Variants in IL21R observed in about 807,000 individuals in gnomAD.
IL21R encodes the protein interleukin 21 receptor.
A neutral mutation model predicts 41.3 loss-of-function variants in IL21R; 14 were observed. The observed-to-expected ratio is 0.34, with a 90% CI of 0.22 to 0.53. IL21R has a LOEUF of 0.53. Ranked by LOEUF, IL21R falls within the 20% of genes least tolerant of loss-of-function variation. IL21R has a pLI of 0.94. For missense variants in IL21R, 588 were observed against 681.6 expected (o/e 0.86, Z 1.53); for synonymous variants, 286 against 287.6 (o/e 0.99, Z 0.05).
Position 27,450,582 on chromosome 16 carries a change from C to CTTTTTTTTTTT in IL21R, c.*1303_*1313dup. The CTTTTTTTTTTT allele has an allele frequency of 5.5e-6, 1 of 181,510 alleles. No individual in the cohort carries two copies. The highest frequency in any genetic ancestry group is 1.1e-5 in the Non-Finnish European group (1 of 88,384). The allele number at this position is 181,510 out of a possible 1,614,324, so 11.2% of individuals were successfully genotyped here. A position where few individuals can be genotyped will look rare whatever the true frequency, so the allele number is the denominator to read the frequency against. On this transcript the variant is annotated 3_prime_UTR_variant, in exon 9 of 9. Transcript: ENST00000337929. ...TATTTCTTAGCAACATTTTCTTTTT[C>CTTTTTTTTTTT]TTTTTTTTTTTTTTCTTTTGAGACA...
intron 8 of IL21R, chr16:27,448,041 C>A (rs1274204243): frequency 6.4e-6 from 1 of 155,444 alleles, no homozygotes; most frequent in South Asian, 2.0e-4. Context: ...ACATTGTGGT[C>A]CTGATTCCTC....
intron 1 of IL21R, chr16:27,403,101 A>T (rs1489263767): frequency 1.7e-6 from 1 of 597,876 alleles, no homozygotes; most frequent in Non-Finnish European, 3.0e-6. Flanking sequence ...AGGCTGCGAG[A>T]GGTAGAGTGA....
intron 1 of IL21R, among the ~76,000 whole-genome samples, chr16:27,403,688 C>A (rs1176976259): frequency 6.6e-6 from 1 of 152,130 alleles, no homozygotes; most frequent in Non-Finnish European, 1.5e-5. Flanking sequence ...TCCTAATGGC[C>A]CTTTTCCTTT....
chr16:27,424,201 A>G (rs2087040640), intron 1 of IL21R, among the ~76,000 whole-genome samples: 1 of 151,848 alleles, frequency 6.6e-6, no homozygotes. Context: ...CAGCCTCCAG[A>G]GTAGCTGGGA....
At chr16:27,424,721 C>T (rs2087047898) in intron 1 of IL21R, among the ~76,000 whole-genome samples, 1 of 152,210 alleles carries the variant, frequency 6.6e-6, no homozygotes, top group South Asian at 2.1e-4. Context: ...CCGTAGGAGA[C>T]TGCAGAGGTT....
At chr16:27,403,492 C>T (rs1301780004) in intron 1 of IL21R, among the ~76,000 whole-genome samples, 2 of 152,096 alleles carry the variant, frequency 1.3e-5, no homozygotes, top group South Asian at 2.1e-4. Flanking sequence ...ATGGTGGAGT[C>T]GGGGAAAACC....
At position 27,451,055 on chromosome 16, in the gene IL21R, T is replaced by G. The variant is rs565200247; in HGVS notation, c.*1772T>G. 25 of 233,492 alleles carry G rather than the reference T, an allele frequency of 1.1e-4. No homozygotes were observed. Among genetic ancestry groups the G allele is most frequent in the Admixed American group, 3.9e-4 (7 of 17,786 alleles). The allele number at this position is 233,492 out of a possible 1,614,324, so 14.5% of individuals were successfully genotyped here. On this transcript the variant is annotated 3_prime_UTR_variant, in exon 9 of 9. Transcript: ENST00000337929. The stretch of plus-strand genomic sequence containing the variant: ...TAAGAGTGGGACTGTGAGCCTGGGA[T>G]CGGGGGGTGTGAGACTTGGATGGGA...
intron 1 of IL21R, among the ~76,000 whole-genome samples, chr16:27,426,185 C>T (rs546818800): frequency 8.5e-5 from 13 of 152,280 alleles, no homozygotes; most frequent in African/African-American, 2.6e-4. Context: ...TGCCCAAGGC[C>T]ACAAAGCCTA....
intron 3 of IL21R, 49 bp downstream of exon 3, chr16:27,434,498 T>C (rs1430718379): frequency 8.6e-7 from 1 of 1,168,120 alleles, no homozygotes; most frequent in Admixed American, 1.8e-5. Flanking sequence ...TCAGGGTGCC[T>C]GCTCAGTGAT....
chr16:27,443,403 T>C (rs1270058213), intron 5 of IL21R, among the ~76,000 whole-genome samples: 3 of 152,228 alleles, frequency 2.0e-5, no homozygotes, highest in South Asian at 2.1e-4. Flanking sequence ...ATAGTCACAA[T>C]AGAAGAAGTT....
chr16:27,420,620 A>G (rs1353363685), intron 1 of IL21R, among the ~76,000 whole-genome samples: 8 of 152,230 alleles, frequency 5.3e-5, no homozygotes, highest in Non-Finnish European at 1.0e-4. Context: ...AGAAATGTCT[A>G]TCCAAATCTT....
chr16:27,406,607 G>A (rs563177508), intron 1 of IL21R, among the ~76,000 whole-genome samples: 5 of 151,876 alleles, frequency 3.3e-5, no homozygotes, highest in African/African-American at 7.3e-5. Context: ...TCTCACCTTC[G>A]TCTTCTACTG....
intron 4 of IL21R, among the ~76,000 whole-genome samples, chr16:27,439,392 TAC>T (rs3093348): frequency 0.031 from 4,733 of 150,460 alleles, 100 homozygotes; most frequent in Non-Finnish European, 0.043. Flanking sequence ...ACGTACACAA[TAC>T]ACACACACTC....
At chr16:27,410,325 T>C (rs1199386069) in intron 1 of IL21R, among the ~76,000 whole-genome samples, 4 of 148,494 alleles carry the variant, frequency 2.7e-5, no homozygotes, top group Non-Finnish European at 4.5e-5. Flanking sequence ...AGAGCAAGAC[T>C]CCATCTCAAA....
At chr16:27,424,959 A>C (rs1176424655) in intron 1 of IL21R, among the ~76,000 whole-genome samples, 1 of 152,140 alleles carries the variant, frequency 6.6e-6, no homozygotes, top group Non-Finnish European at 1.5e-5. Context: ...CTGGAGCAAA[A>C]GGGGGAGGCG....
chr16:27,420,740 T>C (rs1433755962), intron 1 of IL21R, among the ~76,000 whole-genome samples: 1 of 152,262 alleles, frequency 6.6e-6, no homozygotes, highest in East Asian at 1.9e-4. Context: ...AAATGCTTTT[T>C]TTCCCATGCT....
intron 4 of IL21R, among the ~76,000 whole-genome samples, chr16:27,440,248 T>TATATATATATATATAGAG (rs1352160946): frequency 1.2e-3 from 80 of 64,022 alleles, no homozygotes; most frequent in Non-Finnish European, 1.7e-3. Flanking sequence ...TATATATATA[T>TATATATATATATATAGAG]AGAGAGAGAG....
intron 4 of IL21R, among the ~76,000 whole-genome samples, chr16:27,439,617 A>T (rs1193436207): frequency 6.9e-6 from 1 of 145,592 alleles, no homozygotes; most frequent in African/African-American, 2.7e-5. Flanking sequence ...ACACGTGTAC[A>T]CTCATGCACA....
intron 1 of IL21R, among the ~76,000 whole-genome samples, chr16:27,413,327 T>G (rs62032067): frequency 0.28 from 42,479 of 151,990 alleles, 6,606 homozygotes; most frequent in East Asian, 0.62. Context: ...TCATGGTGTA[T>G]AGCCTTTTAA....
Sources: allele counts gnomAD v4.1 joint callset (sites outside exome capture counted in the v4.1 genomes callset), GRCh38; gene constraint gnomAD v4.1.1; transcripts MANE v1.5; gene names NCBI Gene and HGNC (gene_info 2026-07-23, HGNC 2026-07-21).